LHFPL3: variants seen among roughly 807,000 people sequenced by gnomAD.
LHFPL3 encodes LHFPL tetraspan subfamily member 3 protein.
In LHFPL3, 5 loss-of-function variants were observed where a neutral mutation model predicts 19.3. The observed-to-expected ratio is 0.26, with a 90% confidence interval of 0.14 to 0.54. LHFPL3 has a LOEUF of 0.54. LHFPL3 is among the 20% of genes least tolerant of loss of function. The pLI is 0.94. For synonymous variants in LHFPL3, 133 were observed against 126.2 expected (o/e 1.05, Z -0.36); for missense variants, 249 against 307.4 (o/e 0.81, Z 1.42).
At chr7:104,845,565 C>A (rs896381188) in intron 2 of LHFPL3, 3 of 988,546 alleles carry the variant, frequency 3.0e-6, no homozygotes. Context: ...CTGCCGCTTT[C>A]AAGCCATAAA....
Position 104,841,493 on chromosome 7 carries a change from G to GGGTGT in LHFPL3, c.683-64693_683-64692insGTGTG, listed in dbSNP as rs1791206878. Among the ~76,000 whole-genome samples the GGGTGT allele has an allele frequency of 2.0e-4, 28 of 140,940 alleles. 2 individuals are homozygous for GGGTGT. The South Asian group carries it at 5.2e-3, about 26-fold the overall frequency. 92.5% of individuals were successfully genotyped at this position (140,940 alleles called of 152,430 possible). A position where few individuals can be genotyped will look rare whatever the true frequency, so the allele number is the denominator to read the frequency against. ...ATATGTATTACGATGCATTATGTGG[G>GGGTGT]GTGTGTGTGTGTGTGTGTGTGTGTG... On this transcript the variant is annotated intron_variant, in intron 2 of 2. Coordinates refer to ENST00000424859, the MANE Select transcript of LHFPL3 (RefSeq NM_199000.3).
At chr7:104,582,865 C>A (rs933782319) in intron 1 of LHFPL3, among the ~76,000 whole-genome samples, 2 of 151,410 alleles carry the variant, frequency 1.3e-5, no homozygotes, top group African/African-American at 4.9e-5. Context: ...ATTTTTGCAT[C>A]TAGTATATAT....
chr7:104,761,534 C>A (rs1794371771), intron 2 of LHFPL3, among the ~76,000 whole-genome samples: 1 of 152,074 alleles, frequency 6.6e-6, no homozygotes, highest in Admixed American at 6.6e-5. Context: ...CTGCTCTGTA[C>A]TCTGGTGCTG....
At chr7:104,448,052 T>C (rs11763758) in intron 1 of LHFPL3, among the ~76,000 whole-genome samples, 119,913 of 151,994 alleles carry the variant, frequency 0.79, 47,622 homozygotes, top group East Asian at 0.87. Flanking sequence ...CTCTAGACTT[T>C]CCAAAAGTTT....
chr7:104,481,378 A>T (rs1286758634), intron 1 of LHFPL3, among the ~76,000 whole-genome samples: 1 of 152,130 alleles, frequency 6.6e-6, no homozygotes, highest in South Asian at 2.1e-4. Flanking sequence ...TAAAGCATTC[A>T]TGTGACATAC....
chr7:104,889,122 C>G (rs553176568), intron 2 of LHFPL3, among the ~76,000 whole-genome samples: 3 of 152,244 alleles, frequency 2.0e-5, no homozygotes, highest in African/African-American at 7.2e-5. Flanking sequence ...TGAATCTTCA[C>G]TTTTCTAGAG....
intron 1 of LHFPL3, among the ~76,000 whole-genome samples, chr7:104,480,945 G>C (rs1487939522): frequency 6.6e-6 from 1 of 152,170 alleles, no homozygotes; most frequent in Non-Finnish European, 1.5e-5. Flanking sequence ...ACCCAGGACT[G>C]GTCCTTTAGG....
At chr7:104,506,232 A>T (rs1206101692) in intron 1 of LHFPL3, among the ~76,000 whole-genome samples, 1 of 151,974 alleles carries the variant, frequency 6.6e-6, no homozygotes, top group African/African-American at 2.4e-5. Flanking sequence ...TTATAAGGAA[A>T]TCCCCGCCCC....
intron 1 of LHFPL3, among the ~76,000 whole-genome samples, chr7:104,498,867 A>C (rs1049796399): frequency 6.6e-6 from 1 of 152,218 alleles, no homozygotes; most frequent in African/African-American, 2.4e-5. Context: ...GTCCACAATC[A>C]ATTCTCAGCT....
At chr7:104,529,419 T>C (rs1794250470) in intron 1 of LHFPL3, among the ~76,000 whole-genome samples, 1 of 152,120 alleles carries the variant, frequency 6.6e-6, no homozygotes, top group Non-Finnish European at 1.5e-5. Context: ...GGGTTATGAG[T>C]GCATGACTGT....
intron 1 of LHFPL3, among the ~76,000 whole-genome samples, chr7:104,487,105 T>A (rs1793250524): frequency 6.6e-6 from 1 of 152,218 alleles, no homozygotes; most frequent in Admixed American, 6.5e-5. Context: ...ATGTCTGTAA[T>A]GGTTTTAGTT....
chr7:104,749,297 G>A (rs992621993), intron 2 of LHFPL3, among the ~76,000 whole-genome samples: 6 of 152,384 alleles, frequency 3.9e-5, no homozygotes, highest in Non-Finnish European at 8.8e-5. Context: ...TTTATCTCTC[G>A]TTTCTGTAGC....
chr7:104,808,807 T>C (rs1790414843), intron 2 of LHFPL3, among the ~76,000 whole-genome samples: 1 of 151,760 alleles, frequency 6.6e-6, no homozygotes, highest in Non-Finnish European at 1.5e-5. Context: ...GATTTTAGGG[T>C]AATACCCAAC....
At chr7:104,760,158 A>G (rs957286833) in intron 2 of LHFPL3, among the ~76,000 whole-genome samples, 2 of 152,184 alleles carry the variant, frequency 1.3e-5, no homozygotes, top group African/African-American at 4.8e-5. Flanking sequence ...TGCTGATGCT[A>G]TTGGTCCAGG....
At chr7:104,406,028 G>C (rs569989347) in intron 1 of LHFPL3, among the ~76,000 whole-genome samples, 77 of 152,344 alleles carry the variant, frequency 5.1e-4, no homozygotes, top group African/African-American at 1.7e-3. Context: ...GAGTGTATCT[G>C]ACCAAGAGTC....
intron 1 of LHFPL3, among the ~76,000 whole-genome samples, chr7:104,573,500 G>T (rs1260955136): frequency 6.6e-6 from 1 of 151,918 alleles, no homozygotes; most frequent in East Asian, 1.9e-4. Context: ...GTATAGGAAT[G>T]AACTTAGGAA....
At chr7:104,896,607 C>T (rs1398855534) in intron 2 of LHFPL3, among the ~76,000 whole-genome samples, 1 of 152,158 alleles carries the variant, frequency 6.6e-6, no homozygotes, top group Non-Finnish European at 1.5e-5. Flanking sequence ...AGGGCTTTTC[C>T]AGCAAAAGGA....
intron 2 of LHFPL3, among the ~76,000 whole-genome samples, chr7:104,749,008 G>A (rs183705444): frequency 5.9e-5 from 9 of 152,140 alleles, no homozygotes; most frequent in Admixed American, 2.6e-4. Context: ...TACTATTTAA[G>A]TCTGAGTTTC....
intron 1 of LHFPL3, among the ~76,000 whole-genome samples, chr7:104,631,665 CT>C (rs1791644669): frequency 6.6e-6 from 1 of 152,158 alleles, no homozygotes; most frequent in Non-Finnish European, 1.5e-5. Context: ...ATATGCAGAG[CT>C]TTTGCTATTC....
Sources: gnomAD v4.1 joint callset for allele counts (sites outside exome capture counted in the v4.1 genomes callset) on GRCh38, gnomAD v4.1.1 for gene constraint, MANE v1.5 for transcripts, NCBI Gene and HGNC (gene_info 2026-07-23, HGNC 2026-07-21) for gene names.